The following WASHC4 variants were observed in gnomAD, a reference collection of about 807,000 sequenced individuals.
WASHC4 encodes the protein WASH complex subunit 4, also known as WASH complex subunit 7.
In WASHC4, 86 loss-of-function variants were observed where a neutral mutation model predicts 166.6. The observed-to-expected ratio is 0.52, with a 90% CI of 0.43 to 0.62. The LOEUF is 0.62. WASHC4 is among the 20% of genes least tolerant of loss of function. The probability of loss-of-function intolerance (pLI) is 0.00; values close to 1 mark genes in which losing one functional copy is unlikely to be tolerated. For missense variants in WASHC4, 1,262 were observed against 1,382.4 expected (o/e 0.91, Z 1.38); for synonymous variants, 446 against 451.6 (o/e 0.99, Z 0.16).
chr12:105,133,479 G>A (rs1239523409), intron 13 of WASHC4, among the ~76,000 whole-genome samples: 1 of 151,926 alleles, frequency 6.6e-6, no homozygotes, highest in East Asian at 1.9e-4. Flanking sequence ...TTTACTTACT[G>A]ATTTCATTAT....
At chr12:105,112,235 T>C (rs1879763232) in intron 2 of WASHC4, among the ~76,000 whole-genome samples, 1 of 152,222 alleles carries the variant, frequency 6.6e-6, no homozygotes, top group Admixed American at 6.5e-5. Context: ...GTACTTTCTT[T>C]TTTTGCTGTT....
intron 28 of WASHC4, among the ~76,000 whole-genome samples, chr12:105,158,066 TA>T (rs779385229): frequency 5.3e-5 from 8 of 151,854 alleles, no homozygotes; most frequent in African/African-American, 1.5e-4. Flanking sequence ...ATCTGTTGAA[TA>T]AAAAAAATCA....
chr12:105,131,134 C>T (rs577775790), intron 13 of WASHC4, among the ~76,000 whole-genome samples: 17 of 149,994 alleles, frequency 1.1e-4, no homozygotes, highest in African/African-American at 3.2e-4. Flanking sequence ...GGTTGGACTG[C>T]GGACTGCAGT....
chr12:105,143,106 A>G, intron 19 of WASHC4, 21 bp from the exon 20 acceptor site: 1 of 1,475,636 alleles, frequency 6.8e-7, no homozygotes, highest in Non-Finnish European at 9.5e-7. Flanking sequence ...AAATTCATGT[A>G]CATTTTAATT....
intron 28 of WASHC4, 112 bp from the exon 29 acceptor site, chr12:105,159,889 C>A: frequency 3.1e-6 from 3 of 962,564 alleles, no homozygotes; most frequent in East Asian, 2.4e-5. Context: ...TTAGAAGTGT[C>A]TTACAGTGTT....
intron 24 of WASHC4, chr12:105,147,877 C>G (rs1319590651): frequency 1.1e-6 from 1 of 930,108 alleles, no homozygotes; most frequent in Admixed American, 6.6e-5. Flanking sequence ...TGCACTCCAG[C>G]TTGGGCAGCA....
chr12:105,134,998 A>G (rs546389852), intron 14 of WASHC4, among the ~76,000 whole-genome samples: 1 of 151,930 alleles, frequency 6.6e-6, no homozygotes. Context: ...CACTCTAGAC[A>G]TTTTAAGATG....
chr12:105,161,021 T>C (rs1345877983), intron 29 of WASHC4, among the ~76,000 whole-genome samples: 1 of 152,166 alleles, frequency 6.6e-6, no homozygotes, highest in African/African-American at 2.4e-5. Flanking sequence ...TTAAGAATTT[T>C]TGAGAGGTAT....
intron 2 of WASHC4, among the ~76,000 whole-genome samples, chr12:105,113,245 C>T (rs771257733): frequency 1.3e-5 from 2 of 152,014 alleles, no homozygotes; most frequent in East Asian, 1.9e-4. Context: ...TAAACAGATG[C>T]TGTTGGGCTT....
In WASHC4 at chr12:105,160,095, C is replaced by T. The variant is rs779765265; in HGVS notation, c.3007C>T (p.Arg1003Ter). 12 of 1,613,750 alleles carry T rather than the reference C, an allele frequency of 7.4e-6. No individual in the cohort carries two copies. The highest frequency in any genetic ancestry group is 1.0e-5 in the Non-Finnish European group (12 of 1,179,668). Residue 1003 changes from arginine (R) to a stop codon, truncating the protein, a stop_gained, in exon 29 of 33, where the codon CGA (arginine) becomes TGA (stop). Transcript: ENST00000332180. LOFTEE classifies it high-confidence loss of function. ...MLVDVFAPEF[R>*]RPKNIHLRNF... ...TGTAGACGTTTTTGCTCCAGAATTT[C>T]GAAGGCCAAAGAATATACATCTCCG...
chr12:105,123,700 C>T (rs1028927533), intron 10 of WASHC4, among the ~76,000 whole-genome samples: 3 of 152,198 alleles, frequency 2.0e-5, no homozygotes, highest in Non-Finnish European at 2.9e-5. Context: ...CATGTAGAAG[C>T]CAGTAAGTTA....
At chr12:105,166,052 T>C (rs898712502) in intron 32 of WASHC4, among the ~76,000 whole-genome samples, 1 of 152,200 alleles carries the variant, frequency 6.6e-6, no homozygotes, top group African/African-American at 2.4e-5. Flanking sequence ...TGCGGGGCGA[T>C]TGGACATTTG....
chr12:105,114,127 A>G lies in WASHC4; in HGVS notation c.202-89A>G. The G allele has an allele frequency of 6.1e-6, 7 of 1,154,592 alleles. No individual in the cohort carries two copies. The South Asian group carries it at 9.2e-5, about 15-fold the overall frequency. 71.5% of individuals were successfully genotyped at this position (1,154,592 alleles called of 1,614,324 possible). Reference sequence around the variant, plus strand: ...GAGTACAGGATCTAACACAAGTTTAAGTCGAATAAAGCTAGCCTCAATTTG... The same window carrying G: ...GAGTACAGGATCTAACACAAGTTTAGGTCGAATAAAGCTAGCCTCAATTTG... On this transcript the variant is annotated intron_variant, in intron 2 of 32. Coordinates refer to ENST00000332180, the MANE Select transcript of WASHC4 (RefSeq NM_015275.3).
At chr12:105,122,432 T>C (rs1368260248) in intron 10 of WASHC4, among the ~76,000 whole-genome samples, 194 bp downstream of exon 10, 2 of 151,320 alleles carry the variant, frequency 1.3e-5, no homozygotes, top group Non-Finnish European at 2.9e-5. Flanking sequence ...ATATTAGTTG[T>C]ATTTGGAGCA....
chr12:105,148,287 C>T, intron 24 of WASHC4: 1 of 985,268 alleles, frequency 1.0e-6, no homozygotes, highest in East Asian at 1.1e-4. Context: ...ATGTTTGTAC[C>T]TTTGAGGATA....
At chr12:105,131,068 T>A (rs903763241) in intron 13 of WASHC4, among the ~76,000 whole-genome samples, 1 of 149,626 alleles carries the variant, frequency 6.7e-6, no homozygotes, top group South Asian at 2.1e-4. Context: ...TTTTATATAT[T>A]TATTTATTTA....
At chr12:105,162,635 T>G (rs938422084) in intron 29 of WASHC4, 114 bp from the exon 30 acceptor site, 16 of 425,804 alleles carry the variant, frequency 3.8e-5, no homozygotes, top group Admixed American at 1.1e-4. Context: ...ATCTAGATTC[T>G]ATTCTATTCT....
intron 23 of WASHC4, among the ~76,000 whole-genome samples, 196 bp from the exon 24 acceptor site, chr12:105,146,846 G>A (rs1275404190): frequency 1.3e-5 from 2 of 151,924 alleles, no homozygotes; most frequent in South Asian, 2.1e-4. Context: ...CCAACATGAC[G>A]CTCAAAGGAA....
rs151116968 is a variant in WASHC4 at position 105,117,845 on chromosome 12, A to G, written c.436-601A>G. Among the ~76,000 whole-genome samples, 130 of 152,356 alleles carry G rather than the reference A, an allele frequency of 8.5e-4. 1 individual carries two copies. Among genetic ancestry groups the G allele is most frequent in the African/African-American group, 3.0e-3 (125 of 41,592 alleles). The stretch of plus-strand genomic sequence containing the variant: ...TGAGAGCTTCTGAAAATGGATTTTC[A>G]GAAAGTCTAGGATATGTTAGATATG... On this transcript the variant is annotated intron_variant, in intron 6 of 32. Coordinates refer to ENST00000332180, the MANE Select transcript of WASHC4 (RefSeq NM_015275.3).
Sources: gnomAD v4.1 joint callset for allele counts (sites outside exome capture counted in the v4.1 genomes callset) on GRCh38, gnomAD v4.1.1 for gene constraint, MANE v1.5 for transcripts, NCBI Gene and HGNC (gene_info 2026-07-23, HGNC 2026-07-21) for gene names.